Variants in FER1L5 observed in about 807,000 individuals in gnomAD.
FER1L5 encodes the protein fer-1-like protein 5.
A neutral mutation model predicts 279.9 loss-of-function variants in FER1L5; 187 were observed. The ratio of observed to expected loss-of-function variants is 0.67; its 90% CI spans 0.59 to 0.75. FER1L5 has a LOEUF of 0.75. Among genes scored for constraint, FER1L5 ranks in the 30% least tolerant of loss-of-function variants. The pLI is 0.00. For synonymous variants in FER1L5, 921 were observed against 989.7 expected, an observed-to-expected ratio of 0.93 and a Z score of 1.30; for missense variants, 2,091 against 2,594.4, an observed-to-expected ratio of 0.81 and a Z score of 4.21.
At chr2:96,684,186 G>A (rs1425873511) in intron 19 of FER1L5, 141 bp from the exon 20 acceptor site, 16 of 1,130,746 alleles carry the variant, frequency 1.4e-5, no homozygotes, top group Non-Finnish European at 1.9e-5. Context: ...CTCCCAGCTG[G>A]AGGGCTCCAG....
At chr2:96,679,370 CGT>C (rs1215757220) in intron 19 of FER1L5, among the ~76,000 whole-genome samples, 1 of 152,118 alleles carries the variant, frequency 6.6e-6, no homozygotes, top group African/African-American at 2.4e-5. Context: ...ATTACAGGCG[CGT>C]GTCACCACGC....
At chr2:96,659,477 CTTTCTTTCTTTCTTTCTTTCTTTCT>C (rs2075847402) in intron 9 of FER1L5, among the ~76,000 whole-genome samples, 1 of 29,418 alleles carries the variant, frequency 3.4e-5, no homozygotes, top group Admixed American at 5.7e-4. Flanking sequence ...TTCTTTCTTT[CTTTCTTTCTTTCTTTCTTTCTTTCT>C]TTCTTTCGAG....
Position 96,702,049 on chromosome 2 carries a change from T to G in FER1L5, c.5159+6T>G. The G allele has an allele frequency of 6.2e-7, 1 of 1,613,800 alleles. No individual in the cohort carries two copies. Among genetic ancestry groups the G allele is most frequent in the Non-Finnish European group, 8.5e-7 (1 of 1,179,808 alleles). On this transcript the variant is annotated splice_donor_region_variant and intron_variant, in intron 46 of 52. Transcript: ENST00000624922. The surrounding 1 kb of genome is among the most constrained non-coding windows in gnomAD (Gnocchi z 4.0). Reference sequence around the variant, plus strand: ...AACCCCAGAAAGCCTAAACGGTGAGTGACAGCCCACTTCCCAACTGCTGCA... The same window carrying G: ...AACCCCAGAAAGCCTAAACGGTGAGGGACAGCCCACTTCCCAACTGCTGCA...
chr2:96,657,903 C>T (rs933795926), intron 9 of FER1L5, among the ~76,000 whole-genome samples: 3 of 152,110 alleles, frequency 2.0e-5, no homozygotes, highest in African/African-American at 4.8e-5. Context: ...TATATTGGGG[C>T]CGTGTAAACA....
At chr2:96,681,704 G>A (rs11690378) in intron 19 of FER1L5, among the ~76,000 whole-genome samples, 3 of 151,980 alleles carry the variant, frequency 2.0e-5, no homozygotes, top group Non-Finnish European at 4.4e-5. Flanking sequence ...TGACTGCTGT[G>A]TATTATTCTA....
At chr2:96,681,231 G>A (rs565347776) in intron 19 of FER1L5, among the ~76,000 whole-genome samples, 38 of 152,322 alleles carry the variant, frequency 2.5e-4, no homozygotes, top group East Asian at 1.5e-3. Context: ...GCTCATACCT[G>A]TAGTCCTAGC....
At position 96,689,418 on chromosome 2, in the gene FER1L5, A is replaced by G; in HGVS notation, c.2525+42A>G. On this transcript the variant is annotated intron_variant, in intron 25 of 52. Coordinates refer to ENST00000624922, the MANE Select transcript of FER1L5 (RefSeq NM_001293083.2). This position sits in a 1 kb window ranked among gnomAD's most constrained non-coding sequence, Gnocchi z 4.6. ...CAGGCCCCACCAGAGGGGACACTTC[A>G]CCTGGGAGGGCCAGTCCGCGGCAGC... The G allele has an allele frequency of 6.5e-7, 1 of 1,539,406 alleles. No homozygotes were observed. The highest frequency in any genetic ancestry group is 8.7e-7 in the Non-Finnish European group (1 of 1,144,070).
chr2:96,672,085 A>C (rs1307105814), intron 18 of FER1L5, among the ~76,000 whole-genome samples: 1 of 152,050 alleles, frequency 6.6e-6, no homozygotes, highest in African/African-American at 2.4e-5. Flanking sequence ...AAAAGTAAAA[A>C]AATTTTTTTT....
At chr2:96,654,666 G>A (rs1449291539) in intron 9 of FER1L5, 170 bp downstream of exon 9, 3 of 357,212 alleles carry the variant, frequency 8.4e-6, no homozygotes, top group African/African-American at 2.1e-5. Context: ...TTGGGAGGCC[G>A]AGGCCGGTGG....
In FER1L5 at chr2:96,691,594, C is replaced by T; in HGVS notation, c.3057C>T (p.Phe1019=). The T allele has an allele frequency of 6.5e-7, 1 of 1,533,742 alleles. No homozygotes were observed. The change falls in exon 29 of 53, where the codon TTC becomes TTT. Residue 1019 remains phenylalanine (F), a synonymous_variant. Coordinates refer to ENST00000624922, the MANE Select transcript of FER1L5 (RefSeq NM_001293083.2). The surrounding 1 kb of genome is among the most constrained non-coding windows in gnomAD (Gnocchi z 6.0). Reference sequence around the variant, plus strand: ...AGGACAAGGGCATCGCGCCCATATTCCTCCTGGAGGGGTCCTTGGTAAAGC... The same window carrying T: ...AGGACAAGGGCATCGCGCCCATATTTCTCCTGGAGGGGTCCTTGGTAAAGC... ...PNKDKGIAPI[F]LLEGSLAMDL... is the part of the protein sequence containing the mutation.
At position 96,694,617 on chromosome 2, in the gene FER1L5, C is replaced by T. The variant is rs573500809; in HGVS notation, c.3741+153C>T. ...GAGGTGGAGGGAGACAGGAGAGAAA[C>T]GAAGAGGTTCTGGTGTAACACTGGA... is the stretch of plus-strand genomic sequence containing the variant. On this transcript the variant is annotated intron_variant, in intron 34 of 52. Transcript: ENST00000624922. This position sits in a 1 kb window ranked among gnomAD's most constrained non-coding sequence, Gnocchi z 4.6. 3.6e-6 allele frequency: 2 copies of T among 557,882 alleles called. No homozygotes were observed. The highest frequency in any genetic ancestry group is 3.8e-5 in the African/African-American group (2 of 52,598). 34.6% of individuals were successfully genotyped at this position (557,882 alleles called of 1,614,324 possible). A position where few individuals can be genotyped will look rare whatever the true frequency, so the allele number is the denominator to read the frequency against.
At chr2:96,683,330 G>C (rs1231529507) in intron 19 of FER1L5, among the ~76,000 whole-genome samples, 1 of 152,112 alleles carries the variant, frequency 6.6e-6, no homozygotes, top group Non-Finnish European at 1.5e-5. Flanking sequence ...GTGGTCCTTG[G>C]TGTTCCTGGG....
chr2:96,702,149 A>G lies in FER1L5; in HGVS notation c.5159+106A>G. Reference sequence around the variant, plus strand: ...CTGAGCTGCAGTAATTCGTTTCTCTATTGGGAAGAGAGGAAGCTCTACTGG... The same window carrying G: ...CTGAGCTGCAGTAATTCGTTTCTCTGTTGGGAAGAGAGGAAGCTCTACTGG... On this transcript the variant is annotated intron_variant, in intron 46 of 52. Transcript: ENST00000624922. This position sits in a 1 kb window ranked among gnomAD's most constrained non-coding sequence, Gnocchi z 4.0. 5.1e-6 allele frequency: 8 copies of G among 1,570,392 alleles called. No homozygotes were observed. Among genetic ancestry groups the G allele is most frequent in the Non-Finnish European group, 6.9e-6 (8 of 1,153,006 alleles).
At chr2:96,661,514 A>G in intron 11 of FER1L5, 74 bp downstream of exon 11, 1 of 1,510,498 alleles carries the variant, frequency 6.6e-7, no homozygotes, top group South Asian at 1.2e-5. Flanking sequence ...CTCACCCTGG[A>G]TATTGACCAT....
intron 9 of FER1L5, among the ~76,000 whole-genome samples, chr2:96,659,261 T>C (rs988059906): frequency 6.6e-6 from 1 of 150,980 alleles, no homozygotes; most frequent in Non-Finnish European, 1.5e-5. Context: ...GCAGACTTTT[T>C]CATTTTGATG....
At chr2:96,701,845 T>C in intron 45 of FER1L5, 110 bp from the exon 46 acceptor site, 1 of 982,852 alleles carries the variant, frequency 1.0e-6, no homozygotes, top group South Asian at 1.5e-5. Context: ...CCCCTCGGTG[T>C]TGGGAACACA....
chr2:96,647,115 C>A lies in FER1L5; in HGVS notation c.190C>A (p.Gln64Lys). The A allele has an allele frequency of 6.4e-7, 1 of 1,551,654 alleles. No homozygotes were observed. The highest frequency in any genetic ancestry group is 8.7e-7 in the Non-Finnish European group (1 of 1,146,992). ...CCCCCTGGAAAATGACTCCTTCCTG[C>A]AAGTCACCCTTCAGGACATGGGCTC... Reference protein sequence around the residue: ...NRPLENDSFLQVTLQDMGSQK... With the variant: ...NRPLENDSFLKVTLQDMGSQK... Residue 64 changes from glutamine to lysine, a missense_variant, in exon 3 of 53, where the codon CAA (glutamine) becomes AAA (lysine). Physicochemically the swap from Gln to Lys is moderately conservative, Grantham distance 53. Transcript: ENST00000624922.
At chr2:96,682,963 G>C (rs2076784644) in intron 19 of FER1L5, among the ~76,000 whole-genome samples, 1 of 152,188 alleles carries the variant, frequency 6.6e-6, no homozygotes, top group Non-Finnish European at 1.5e-5. Flanking sequence ...AGGCTACACA[G>C]ATAACATAAG....
chr2:96,649,686 T>C lies in FER1L5; in HGVS notation c.394+9T>C. ...GGATATTGAGAAGACAGGTATGTCC[T>C]TCCCTGGAGCTTACCCTTAAGGGCC... On this transcript the variant is annotated intron_variant, in intron 5 of 52. Transcript: ENST00000624922. 1.9e-6 allele frequency: 3 copies of C among 1,551,492 alleles called. No individual in the cohort carries two copies. The highest frequency in any genetic ancestry group is 2.6e-6 in the Non-Finnish European group (3 of 1,146,892).
Sources: allele counts gnomAD v4.1 joint callset (sites outside exome capture counted in the v4.1 genomes callset), GRCh38; gene constraint gnomAD v4.1.1; non-coding constraint Gnocchi (gnomAD v3.1); transcripts MANE v1.5; gene names NCBI Gene and HGNC (gene_info 2026-07-23, HGNC 2026-07-21).